Variants in CDC42 observed in about 807,000 individuals in gnomAD.
CDC42 encodes cell division cycle 42, also known as cell division control protein 42 homolog.
In CDC42, 1 loss-of-function variant was observed where a neutral mutation model predicts 20.8. The ratio of observed to expected loss-of-function variants is 0.05; its 90% CI spans 0.02 to 0.23. CDC42 has a LOEUF of 0.23. CDC42 is among the 10% of genes least tolerant of loss of function. The probability of loss-of-function intolerance (pLI) is 1.00; values close to 1 mark genes in which losing one functional copy is unlikely to be tolerated. For missense variants in CDC42, 49 were observed against 227.9 expected (o/e 0.21, Z 5.05); for synonymous variants, 72 against 84.8 (o/e 0.85, Z 0.83).
chr1:22,061,750 T>C (rs936093830), intron 1 of CDC42, among the ~76,000 whole-genome samples: 10 of 151,154 alleles, frequency 6.6e-5, no homozygotes, highest in African/African-American at 1.9e-4. Context: ...ATCTCCACTT[T>C]AGTGGAGACC....
At chr1:22,055,536 C>T (rs1160032673) in intron 1 of CDC42, among the ~76,000 whole-genome samples, 12 of 148,690 alleles carry the variant, frequency 8.1e-5, no homozygotes, top group Admixed American at 3.4e-4. Context: ...GTCGCCCAGG[C>T]TAGAGTGCAG....
Position 22,097,489 on chromosome 1 carries a change from G to A in CDC42, c.*5972G>A, listed in dbSNP as rs549043968. ...ACTCCTGACCTCAGGTGATCCGCCC[G>A]TTGCGGCCTCCCTAAGTGCTGGGAT... On this transcript the variant is annotated 3_prime_UTR_variant, in exon 6 of 6. Coordinates refer to ENST00000656825, the MANE Select transcript of CDC42 (RefSeq NM_001791.4). Among the ~76,000 whole-genome samples, 147 of 152,300 alleles carry A rather than the reference G, an allele frequency of 9.7e-4. 1 individual carries two copies. Among genetic ancestry groups the A allele is most frequent in the South Asian group, 2.5e-3 (12 of 4,826 alleles).
chr1:22,077,062 G>A (rs1454272172), intron 1 of CDC42, among the ~76,000 whole-genome samples: 1 of 152,064 alleles, frequency 6.6e-6, no homozygotes, highest in East Asian at 1.9e-4. Context: ...AGGCCAAGGT[G>A]GGAGGATTGC....
In CDC42 at chr1:22,092,252, C is replaced by G. The variant is rs751053838; in HGVS notation, c.*735C>G. The G allele has an allele frequency of 6.6e-6, 1 of 152,550 alleles. No homozygotes were observed. The highest frequency in any genetic ancestry group is 1.5e-5 in the Non-Finnish European group (1 of 68,020). The allele number at this position is 152,550 out of a possible 1,614,324, so 9.4% of individuals were successfully genotyped here. ...TGCCCCTCCTCTTTTCTAGGACGCA[C>G]TATATGTGACTGTGACTTTCAAGGA... On this transcript the variant is annotated 3_prime_UTR_variant, in exon 6 of 6. Coordinates refer to ENST00000656825, the MANE Select transcript of CDC42 (RefSeq NM_001791.4).
At chr1:22,082,770 T>C (rs1026169632) in intron 3 of CDC42, among the ~76,000 whole-genome samples, 1 of 152,044 alleles carries the variant, frequency 6.6e-6, no homozygotes, top group Non-Finnish European at 1.5e-5. Context: ...ATCATAAAAG[T>C]AATGGTATAT....
intron 1 of CDC42, chr1:22,068,929 G>A (rs1318615554): frequency 6.6e-6 from 1 of 152,166 alleles, no homozygotes; most frequent in African/African-American, 2.4e-5. Context: ...TAGTATTATT[G>A]AAGGAAGAAT....
intron 5 of CDC42, chr1:22,090,006 C>T (rs887111405): frequency 1.9e-6 from 3 of 1,613,902 alleles, no homozygotes; most frequent in African/African-American, 2.7e-5. Context: ...GGAAACTCAA[C>T]CCAAAAGGAA....
At chr1:22,059,325 T>G (rs1645337494) in intron 1 of CDC42, 1 of 152,096 alleles carries the variant, frequency 6.6e-6, no homozygotes, top group Non-Finnish European at 1.5e-5. Context: ...AGTGACATTT[T>G]ATTGAAAACT....
rs1645740508 is a variant in CDC42 at position 22,094,227 on chromosome 1, A to G, written c.*2710A>G. On this transcript the variant is annotated 3_prime_UTR_variant, in exon 6 of 6. Coordinates refer to ENST00000656825, the MANE Select transcript of CDC42 (RefSeq NM_001791.4). ...AGGCTTAGTTTGTGTCAGAATTTATAGTATTTAATACGATGTTAATATATT... is the reference window on the plus strand; with the variant it reads ...AGGCTTAGTTTGTGTCAGAATTTATGGTATTTAATACGATGTTAATATATT... Among the ~76,000 whole-genome samples the G allele has an allele frequency of 6.7e-6, 1 of 149,758 alleles. No individual in the cohort carries two copies. The highest frequency in any genetic ancestry group is 1.5e-5 in the Non-Finnish European group (1 of 67,676).
At chr1:22,073,204 T>C (rs1183893542) in intron 1 of CDC42, among the ~76,000 whole-genome samples, 6 of 152,194 alleles carry the variant, frequency 3.9e-5, no homozygotes, top group Admixed American at 3.9e-4. Context: ...GCTATAGCTC[T>C]GAGATTCTTA....
chr1:22,085,536 T>C (rs1385351602), intron 3 of CDC42, among the ~76,000 whole-genome samples: 1 of 152,236 alleles, frequency 6.6e-6, no homozygotes. Context: ...ATATTAAGTC[T>C]TCCAGTTCAT....
intron 1 of CDC42, among the ~76,000 whole-genome samples, chr1:22,060,421 A>G (rs1314489385): frequency 6.6e-6 from 1 of 152,184 alleles, no homozygotes; most frequent in Admixed American, 6.5e-5. Flanking sequence ...CAAATGAGGA[A>G]CAGATGATTA....
chr1:22,054,891 G>GTATATATATATATATATATATA (rs1157685736), intron 1 of CDC42, among the ~76,000 whole-genome samples: 4 of 71,884 alleles, frequency 5.6e-5, no homozygotes, highest in Non-Finnish European at 7.2e-5. Context: ...TTGAATTTAT[G>GTATATATATATATATATATATA]TATATATATA....
intron 1 of CDC42, among the ~76,000 whole-genome samples, chr1:22,055,867 GTTTTTTTTT>G (rs35437576): frequency 7.9e-6 from 1 of 126,692 alleles, no homozygotes; most frequent in Non-Finnish European, 1.6e-5. Flanking sequence ...TTGTTTTAGA[GTTTTTTTTT>G]TTTTTTTTTT....
At chr1:22,060,434 C>T (rs1246073763) in intron 1 of CDC42, among the ~76,000 whole-genome samples, 2 of 151,626 alleles carry the variant, frequency 1.3e-5, no homozygotes, top group Non-Finnish European at 1.5e-5. Context: ...GATGATTAAA[C>T]CAGAGGGAGA....
intron 3 of CDC42, among the ~76,000 whole-genome samples, chr1:22,083,798 A>G (rs1402148621): frequency 6.6e-6 from 1 of 152,192 alleles, no homozygotes; most frequent in African/African-American, 2.4e-5. Flanking sequence ...TTCCCTTTGC[A>G]GTCAGCCCTG....
intron 1 of CDC42, among the ~76,000 whole-genome samples, chr1:22,065,060 C>T (rs1430823795): frequency 2.6e-5 from 4 of 152,178 alleles, no homozygotes; most frequent in Admixed American, 2.6e-4. Flanking sequence ...TGCAGAGTGA[C>T]TGACAACCTG....
intron 1 of CDC42, among the ~76,000 whole-genome samples, chr1:22,069,501 A>C (rs912918225): frequency 1.3e-5 from 2 of 151,980 alleles, no homozygotes; most frequent in Non-Finnish European, 2.9e-5. Flanking sequence ...TCTCTTACCC[A>C]GGCTGGAGTG....
At chr1:22,078,833 C>T (rs1279999778) in intron 2 of CDC42, 13 of 1,386,696 alleles carry the variant, frequency 9.4e-6, no homozygotes, top group South Asian at 2.5e-5. Flanking sequence ...AAGATTCTAA[C>T]GAGTGGTGGT....
Sources: gnomAD v4.1 joint callset for allele counts (sites outside exome capture counted in the v4.1 genomes callset) on GRCh38, gnomAD v4.1.1 for gene constraint, MANE v1.5 for transcripts, NCBI Gene and HGNC (gene_info 2026-07-23, HGNC 2026-07-21) for gene names.